Variants in NOC2L observed in about 807,000 individuals in gnomAD.
NOC2L encodes NOC2 like nucleolar associated transcriptional repressor, also known as nucleolar complex protein 2 homolog.
NOC2L carries 101 observed loss-of-function variants against 94.2 expected under a neutral mutation model. That is an observed-to-expected ratio of 1.07 (90% CI 0.91 to 1.26). NOC2L has a LOEUF of 1.26. Ranked by LOEUF, NOC2L falls within the 50% of genes most tolerant of loss-of-function variation. The pLI is 0.00. For missense variants in NOC2L, 1,076 were observed against 980.1 expected, an observed-to-expected ratio of 1.10 and a Z score of -1.31; for synonymous variants, 531 against 413.4, an observed-to-expected ratio of 1.28 and a Z score of -3.45.
In NOC2L at chr1:952,065, C is replaced by G; in HGVS notation, c.1266G>C (p.Ala422=). Residue 422 remains alanine (A), a synonymous_variant, in exon 11 of 19, where the codon GCG becomes GCC. Transcript: ENST00000327044. Reference sequence around the variant, plus strand: ...AGGGCTGGAGGGCTTCGCTGGGGCCCGCAGTGCTCAGGACCCGGCACCACA... The same window carrying G: ...AGGGCTGGAGGGCTTCGCTGGGGCCGGCAGTGCTCAGGACCCGGCACCACA... The part of the protein sequence containing the change: ...LFLWCRVLST[A]GPSEALQPLV... 2 of 1,613,716 alleles carry G rather than the reference C, an allele frequency of 1.2e-6. No individual in the cohort carries two copies. The highest frequency in any genetic ancestry group is 1.7e-6 in the Non-Finnish European group (2 of 1,179,974).
intron 6 of NOC2L, 56 bp from the exon 7 acceptor site, chr1:954,138 T>C (rs748503267): frequency 1.3e-6 from 2 of 1,548,082 alleles, no homozygotes; most frequent in African/African-American, 2.7e-5. Context: ...GACGCGAGGC[T>C]GCTCAGCATG....
chr1:957,041 G>A lies in NOC2L; in HGVS notation c.355-16C>T, dbSNP rs746070302. ...CACTGGCTTCCTGCACAGAAAGGCT[G>A]AGCTGAAGGAGAGTGTAGAGACAAG... On this transcript the variant is annotated splice_polypyrimidine_tract_variant and intron_variant, in intron 3 of 18. Coordinates refer to ENST00000327044, the MANE Select transcript of NOC2L (RefSeq NM_015658.4). 2.5e-6 allele frequency: 4 copies of A among 1,613,936 alleles called. No homozygotes were observed. Among genetic ancestry groups the A allele is most frequent in the Non-Finnish European group, 3.4e-6 (4 of 1,180,030 alleles).
intron 17 of NOC2L, 150 bp downstream of exon 17, chr1:945,368 A>G (rs1040016671): frequency 1.4e-5 from 15 of 1,058,214 alleles, no homozygotes; most frequent in Non-Finnish European, 1.9e-5. Context: ...CGCTGGCACC[A>G]GAAGCCTGGC....
chr1:951,018 G>T, intron 12 of NOC2L, 109 bp downstream of exon 12: 2 of 833,212 alleles, frequency 2.4e-6, no homozygotes, highest in Non-Finnish European at 4.0e-6. Flanking sequence ...CAAGGAGGCG[G>T]CCAGGGCTCC....
intron 12 of NOC2L, among the ~76,000 whole-genome samples, chr1:950,074 A>ATACACACAGG (rs748102940): frequency 1.3e-5 from 2 of 152,358 alleles, no homozygotes; most frequent in East Asian, 1.9e-4. Context: ...GCAAAGATGC[A>ATACACACAGG]TACACACAGG....
intron 12 of NOC2L, among the ~76,000 whole-genome samples, chr1:949,618 G>A (rs1017014439): frequency 1.3e-5 from 2 of 152,230 alleles, no homozygotes; most frequent in Non-Finnish European, 2.9e-5. Flanking sequence ...CACAAGTGAA[G>A]AAACAGACAC....
Position 944,344 on chromosome 1 carries a change from G to A in NOC2L, c.*350C>T, listed in dbSNP as rs3196153. On this transcript the variant is annotated 3_prime_UTR_variant, in exon 19 of 19. Transcript: ENST00000327044. ...GGGAGTGAAGGCAGAGCCTGGTGCA[G>A]ATGGACGAGGTCTGCAGACGGAGGG... 1.5e-6 allele frequency: 2 copies of A among 1,375,246 alleles called. No individual in the cohort carries two copies. The highest frequency in any genetic ancestry group is 1.9e-6 in the Non-Finnish European group (2 of 1,072,014). 85.2% of individuals were successfully genotyped at this position (1,375,246 alleles called of 1,614,324 possible). A position where few individuals can be genotyped will look rare whatever the true frequency, so the allele number is the denominator to read the frequency against.
At position 948,320 on chromosome 1, in the gene NOC2L, G is replaced by A. The variant is rs550850703; in HGVS notation, c.1558-88C>T. The stretch of plus-strand genomic sequence containing the variant: ...CTTCCCCTCAGGCTGTCAGGGCAGC[G>A]CCATCTCCAGGGCACGGACTGCAAG... On this transcript the variant is annotated intron_variant, in intron 13 of 18. Transcript: ENST00000327044. 77 of 1,200,856 alleles carry A rather than the reference G, an allele frequency of 6.4e-5. 2 individuals are homozygous for A. The highest frequency in any genetic ancestry group is 2.3e-4 in the African/African-American group (15 of 66,020). The allele number at this position is 1,200,856 out of a possible 1,614,324, so 74.4% of individuals were successfully genotyped here.
At chr1:958,696 G>A (rs375286118) in intron 2 of NOC2L, 9 of 692,876 alleles carry the variant, frequency 1.3e-5, no homozygotes, top group South Asian at 3.0e-5. Context: ...CTCCTAGATC[G>A]GGAAGAGATT....
intron 12 of NOC2L, 33 bp downstream of exon 12, chr1:951,092 CAG>C: frequency 6.8e-7 from 1 of 1,473,802 alleles, no homozygotes; most frequent in Non-Finnish European, 9.3e-7. Flanking sequence ...CAGGAGCAGG[CAG>C]AGGTGCCACA....
chr1:955,799 G>A, intron 6 of NOC2L, 124 bp downstream of exon 6: 1 of 842,608 alleles, frequency 1.2e-6, no homozygotes, highest in African/African-American at 1.7e-5. Context: ...GCCTTCTCAG[G>A]GTCCCCAAGA....
rs771845492 is a variant in NOC2L at position 957,126 on chromosome 1, C to T, written c.327G>A (p.Pro109=). ...DSDSSEEEEG[P]FHSLPDVLEE... ...CCAGCACATCTGGCAGGGAGTGGAA[C>T]GGCCCCTCTTCCTCCTCAGAGCTGT... The change falls in exon 3 of 19, where the codon CCG becomes CCA. Residue 109 remains proline (P), a synonymous_variant. Transcript: ENST00000327044. The T allele has an allele frequency of 1.5e-5, 25 of 1,613,938 alleles. No individual in the cohort carries two copies. In the East Asian group the frequency reaches 1.6e-4, roughly 10 times the overall value.
At chr1:947,982 G>A (rs1642162317) in intron 14 of NOC2L, 149 bp downstream of exon 14, 2 of 657,984 alleles carry the variant, frequency 3.0e-6, no homozygotes, top group Non-Finnish European at 5.4e-6. Context: ...GCCCCTCCAA[G>A]GGGGCCTCAC....
chr1:948,250 G>A lies in NOC2L; in HGVS notation c.1558-18C>T, dbSNP rs1642169327. 1.3e-6 allele frequency: 2 copies of A among 1,553,130 alleles called. No individual in the cohort carries two copies. Among genetic ancestry groups the A allele is most frequent in the Non-Finnish European group, 1.7e-6 (2 of 1,144,446 alleles). On this transcript the variant is annotated intron_variant, in intron 13 of 18. Transcript: ENST00000327044. Reference sequence around the variant, plus strand: ...AGGCCGTCCTGAAGAGCAGGAGAGAGGGCCGAGTGCATCAGGGAGAGGCTG... The same window carrying A: ...AGGCCGTCCTGAAGAGCAGGAGAGAAGGCCGAGTGCATCAGGGAGAGGCTG...
In NOC2L at chr1:944,560, A is replaced by T; in HGVS notation, c.*134T>A. The T allele has an allele frequency of 1.6e-6, 1 of 634,004 alleles. No homozygotes were observed. Among genetic ancestry groups the T allele is most frequent in the Non-Finnish European group, 2.7e-6 (1 of 374,574 alleles). 39.3% of individuals were successfully genotyped at this position (634,004 alleles called of 1,614,324 possible). ...CGTTTGGTCTTTCATGCTGAAAAAT[A>T]AATAATAAAGCCTGTCCCGTGTCTA... On this transcript the variant is annotated 3_prime_UTR_variant, in exon 19 of 19. Transcript: ENST00000327044.
Position 954,047 on chromosome 1 carries a change from T to A in NOC2L, c.734A>T (p.Lys245Met). 1 of 1,609,336 alleles carries A rather than the reference T, an allele frequency of 6.2e-7. No individual in the cohort carries two copies. The highest frequency in any genetic ancestry group is 8.5e-7 in the Non-Finnish European group (1 of 1,176,892). ...LQPSSSPLWG[K>M]LRVDIKAYLG... The stretch of plus-strand genomic sequence containing the variant: ...GTAAGCCTTGATGTCCACACGAAGC[T>A]TCCCCCAGAGCGGGCTGCTGGACGG... Residue 245 changes from lysine (K) to methionine (M), a missense_variant, in exon 7 of 19, where the codon AAG becomes ATG. Physicochemically the swap from Lys to Met is moderately conservative, Grantham distance 95. Coordinates refer to ENST00000327044, the MANE Select transcript of NOC2L (RefSeq NM_015658.4).
At chr1:949,475 G>A (rs1368214211) in intron 12 of NOC2L, among the ~76,000 whole-genome samples, 1 of 152,340 alleles carries the variant, frequency 6.6e-6, no homozygotes, top group Non-Finnish European at 1.5e-5. Context: ...CCAGGCACCG[G>A]GGAAGGGCAG....
chr1:956,299 C>A, intron 4 of NOC2L, 84 bp from the exon 5 acceptor site: 1 of 1,477,092 alleles, frequency 6.8e-7, no homozygotes, highest in South Asian at 1.2e-5. Flanking sequence ...GAGAAAGGCA[C>A]CCTCACCCTC....
chr1:953,581 C>T (rs974128498), intron 8 of NOC2L, among the ~76,000 whole-genome samples: 1 of 152,248 alleles, frequency 6.6e-6, no homozygotes, highest in African/African-American at 2.4e-5. Flanking sequence ...CTGAGCCGCG[C>T]TGCCCGGGCA....
Sources: allele counts gnomAD v4.1 joint callset (sites outside exome capture counted in the v4.1 genomes callset), GRCh38; gene constraint gnomAD v4.1.1; transcripts MANE v1.5; gene names NCBI Gene and HGNC (gene_info 2026-07-23, HGNC 2026-07-21).